LARP4B: variants seen among roughly 807,000 people sequenced by gnomAD.
LARP4B encodes the protein La ribonucleoprotein 4B.
In LARP4B, 12 loss-of-function variants were observed where a neutral mutation model predicts 89.8. The observed-to-expected ratio is 0.13, with a 90% CI of 0.09 to 0.22. LARP4B has a LOEUF of 0.22. Among genes scored for constraint, LARP4B ranks in the 10% least tolerant of loss-of-function variants. LARP4B has a pLI of 1.00. For missense variants in LARP4B, 757 were observed against 947.7 expected (o/e 0.80, Z 2.64); for synonymous variants, 367 against 363.3 (o/e 1.01, Z -0.12).
At chr10:965,473 G>A in the LARP4B span, among the ~76,000 whole-genome samples, 2 of 152,064 alleles carry the variant, frequency 1.3e-5, no homozygotes, top group South Asian at 4.1e-4. Context: ...AAGGCGATCC[G>A]TATTTTCAAG....
Position 900,769 on chromosome 10 carries a change from G to A in LARP4B, c.-39-15009C>T, listed in dbSNP as rs552719354. ...CGAGTAGCTGGGACTACAGGTGCAC[G>A]CCACCACGCTTGGCTAATTTTTGTA... is the stretch of plus-strand genomic sequence containing the variant. On this transcript the variant is annotated intron_variant, in intron 1 of 17. Transcript: ENST00000316157. 2.1e-3 allele frequency among the ~76,000 whole-genome samples: 317 copies of A among 150,468 alleles called. 3 individuals are homozygous for A. The South Asian group carries it at 0.022, about 11-fold the overall frequency.
chr10:941,507 G>A, the LARP4B span, among the ~76,000 whole-genome samples: 5 of 149,392 alleles, frequency 3.3e-5, no homozygotes, highest in African/African-American at 5.1e-5. Context: ...AGAGATGGGC[G>A]GGGGGTGTCT....
At chr10:933,079 C>T (rs988044706), upstream of LARP4B, 5 of 152,248 alleles carry the variant, frequency 3.3e-5, no homozygotes, top group African/African-American at 1.2e-4. Context: ...TCTACCTACC[C>T]CTGATCAGTT....
chr10:935,779 C>T (rs1040251737), upstream of LARP4B, among the ~76,000 whole-genome samples: 3 of 135,600 alleles, frequency 2.2e-5, no homozygotes, highest in Non-Finnish European at 3.0e-5. Context: ...AGTGCAGTGG[C>T]ACAATCTTGG....
chr10:931,636 C>G lies in LARP4B; in HGVS notation c.-248G>C, dbSNP rs1830620066. 6.5e-6 allele frequency: 1 copy of G among 154,930 alleles called. No individual in the cohort carries two copies. Among genetic ancestry groups the G allele is most frequent in the African/African-American group, 2.4e-5 (1 of 41,318 alleles). 9.6% of individuals were successfully genotyped at this position (154,930 alleles called of 1,614,324 possible). A position where few individuals can be genotyped will look rare whatever the true frequency, so the allele number is the denominator to read the frequency against. On this transcript the variant is annotated 5_prime_UTR_variant, in exon 1 of 18. Transcript: ENST00000316157. Reference sequence around the variant, plus strand: ...CGGCGGATTCTTCCCCTTTCGGGCCCGAAAATGTCTCAACCCCGGGACTCC... The same window carrying G: ...CGGCGGATTCTTCCCCTTTCGGGCCGGAAAATGTCTCAACCCCGGGACTCC...
In LARP4B at chr10:864,283, G is replaced by A; in HGVS notation, c.142-13C>T. The A allele has an allele frequency of 6.2e-7, 1 of 1,613,858 alleles. No individual in the cohort carries two copies. Among genetic ancestry groups the A allele is most frequent in the Non-Finnish European group, 8.5e-7 (1 of 1,179,780 alleles). On this transcript the variant is annotated splice_polypyrimidine_tract_variant and intron_variant, in intron 3 of 17. Coordinates refer to ENST00000316157, the MANE Select transcript of LARP4B (RefSeq NM_015155.3). ...TAGTTGCTGGTACCTAGGAAGAAAT[G>A]TAAGATAGACATTTGTATCCAAATG... is the stretch of plus-strand genomic sequence containing the variant.
intron 3 of LARP4B, among the ~76,000 whole-genome samples, chr10:880,852 A>C (rs568887569): frequency 6.6e-6 from 1 of 152,288 alleles, no homozygotes; most frequent in African/African-American, 2.4e-5. Context: ...ATTTAACATA[A>C]ACACTTCTAC....
intron 1 of LARP4B, among the ~76,000 whole-genome samples, chr10:928,094 C>T (rs1383723004): frequency 1.3e-5 from 2 of 151,660 alleles, no homozygotes; most frequent in Non-Finnish European, 2.9e-5. Context: ...TGGTGGAGGG[C>T]ACCTGTAATC....
the LARP4B span, among the ~76,000 whole-genome samples, chr10:960,365 T>C: frequency 5.3e-5 from 8 of 152,174 alleles, no homozygotes; most frequent in Admixed American, 2.0e-4. Flanking sequence ...ACAGCAAGAC[T>C]GACCCCCAGT....
chr10:972,589 G>C, the LARP4B span: 6 of 457,212 alleles, frequency 1.3e-5, no homozygotes, highest in African/African-American at 1.2e-4. Context: ...GTCAGAGTTA[G>C]ACCAAGAAAG....
intron 1 of LARP4B, among the ~76,000 whole-genome samples, chr10:903,878 G>A (rs1459844798): frequency 2.6e-5 from 4 of 152,148 alleles, no homozygotes; most frequent in Admixed American, 2.6e-4. Flanking sequence ...GCAGCTCGGA[G>A]CTGCTTTAAT....
chr10:900,524 C>A (rs2131984998), intron 1 of LARP4B, among the ~76,000 whole-genome samples: 1 of 139,714 alleles, frequency 7.2e-6, no homozygotes, highest in South Asian at 2.4e-4. Context: ...CAGCCTCGAC[C>A]TTCTGGGTCC....
At chr10:984,504 C>T in the LARP4B span, among the ~76,000 whole-genome samples, 1 of 152,052 alleles carries the variant, frequency 6.6e-6, no homozygotes, top group Non-Finnish European at 1.5e-5. Flanking sequence ...ATAGAAACAC[C>T]CCTTATCAGC....
At chr10:809,404 G>A (rs1831658680), downstream of LARP4B, 1 of 152,186 alleles carries the variant, frequency 6.6e-6, no homozygotes, top group East Asian at 1.9e-4. Context: ...CCCCCACGTA[G>A]GTGAGAAGGC....
intron 5 of LARP4B, among the ~76,000 whole-genome samples, chr10:859,638 A>G (rs573382805): frequency 3.3e-5 from 5 of 152,364 alleles, no homozygotes; most frequent in African/African-American, 1.2e-4. Flanking sequence ...GATGTCCTTC[A>G]GTAGGTGAAT....
the LARP4B span, among the ~76,000 whole-genome samples, chr10:980,562 C>T: frequency 6.6e-6 from 1 of 152,186 alleles, no homozygotes; most frequent in East Asian, 1.9e-4. Flanking sequence ...GCAGGAGCTG[C>T]CAACGGTTAT....
chr10:893,080 CTTTTT>C (rs578053984), intron 1 of LARP4B, among the ~76,000 whole-genome samples: 1 of 137,530 alleles, frequency 7.3e-6, no homozygotes, highest in Non-Finnish European at 1.6e-5. Flanking sequence ...CCTTTTTTTT[CTTTTT>C]TTTTTCCCAG....
chr10:973,086 C>T, the LARP4B span: 15 of 359,914 alleles, frequency 4.2e-5, no homozygotes, highest in East Asian at 7.3e-5. Context: ...CCCTGTGCTG[C>T]GGGCTGCCTT....
intron 5 of LARP4B, among the ~76,000 whole-genome samples, chr10:850,826 A>G (rs570829001): frequency 6.6e-6 from 1 of 152,070 alleles, no homozygotes; most frequent in Non-Finnish European, 1.5e-5. Flanking sequence ...TCCCTGGAAA[A>G]CCCCCAAATA....
Sources: gnomAD v4.1 joint callset for allele counts (sites outside exome capture counted in the v4.1 genomes callset) on GRCh38, gnomAD v4.1.1 for gene constraint, MANE v1.5 for transcripts, NCBI Gene and HGNC (gene_info 2026-07-23, HGNC 2026-07-21) for gene names.